Variants in TENM4 observed in about 807,000 individuals in gnomAD.
TENM4 encodes the protein teneurin transmembrane protein 4.
TENM4 carries 82 observed loss-of-function variants against 243.3 expected under a neutral mutation model. The observed-to-expected ratio is 0.34, with a 90% CI of 0.28 to 0.40. The LOEUF is 0.40. Ranked by LOEUF, TENM4 falls within the 10% of genes least tolerant of loss-of-function variation. TENM4 has a pLI of 1.00. For missense variants in TENM4, 3,138 were observed against 3,673.3 expected (o/e 0.85, Z 3.77); for synonymous variants, 1,412 against 1,456.3 (o/e 0.97, Z 0.69).
intron 1 of TENM4, among the ~76,000 whole-genome samples, chr11:79,357,183 G>T (rs1857511355): frequency 1.3e-5 from 2 of 152,142 alleles, no homozygotes; most frequent in Non-Finnish European, 2.9e-5. Flanking sequence ...CACTAAACAG[G>T]GCAGTAACTG....
rs771415017 is a variant in TENM4, at chr11:78,854,368, C to T, written c.1471-54G>A. On this transcript the variant is annotated intron_variant, in intron 11 of 33. Coordinates refer to ENST00000278550, the MANE Select transcript of TENM4 (RefSeq NM_001098816.3). The stretch of plus-strand genomic sequence containing the variant: ...GTGGGTCTGTTCCACCACGCACCAG[C>T]GTCCTTCCCGGGGCTTCTCCTGGAG... The T allele has an allele frequency of 2.4e-4, 335 of 1,416,452 alleles. 1 individual carries two copies. Among genetic ancestry groups the T allele is most frequent in the Non-Finnish European group, 2.9e-4 (310 of 1,076,742 alleles). 87.7% of individuals were successfully genotyped at this position (1,416,452 alleles called of 1,614,324 possible). A position where few individuals can be genotyped will look rare whatever the true frequency, so the allele number is the denominator to read the frequency against.
chr11:79,343,380 G>C (rs1361183020), intron 1 of TENM4, among the ~76,000 whole-genome samples: 1 of 152,238 alleles, frequency 6.6e-6, no homozygotes, highest in Non-Finnish European at 1.5e-5. Context: ...GAAAATGTTA[G>C]AGCTGGGTCA....
intron 22 of TENM4, among the ~76,000 whole-genome samples, chr11:78,727,414 G>A (rs1216971093): frequency 2.0e-5 from 3 of 146,934 alleles, no homozygotes; most frequent in South Asian, 2.1e-4. Flanking sequence ...CCATCCTGAC[G>A]ACAGAGCGAG....
intron 6 of TENM4, among the ~76,000 whole-genome samples, chr11:79,047,501 C>T (rs1859688087): frequency 6.6e-6 from 1 of 152,252 alleles, no homozygotes; most frequent in Non-Finnish European, 1.5e-5. Flanking sequence ...CCGGGAACCA[C>T]CACACTCTGC....
intron 12 of TENM4, among the ~76,000 whole-genome samples, chr11:78,834,633 T>C (rs1312507658): frequency 5.3e-5 from 8 of 152,218 alleles, no homozygotes; most frequent in African/African-American, 1.9e-4. Context: ...CTGTCAAAAA[T>C]GGGATCTAGA....
chr11:79,086,156 A>G (rs1443772838), intron 4 of TENM4, among the ~76,000 whole-genome samples: 2 of 152,232 alleles, frequency 1.3e-5, no homozygotes, highest in Non-Finnish European at 2.9e-5. Flanking sequence ...CAGTGGGCCA[A>G]GCGGATATTA....
At position 78,934,997 on chromosome 11, in the gene TENM4, C is replaced by CTTTTTTTTTTTT. The variant is rs530062569; in HGVS notation, c.494-31486_494-31475dup. Among the ~76,000 whole-genome samples the CTTTTTTTTTTTT allele has an allele frequency of 3.7e-5, 3 of 81,114 alleles. 1 individual carries two copies. Among genetic ancestry groups the CTTTTTTTTTTTT allele is most frequent in the African/African-American group, 1.1e-4 (2 of 19,022 alleles). The allele number at this position is 81,114 out of a possible 152,430, so 53.2% of individuals were successfully genotyped here. A position where few individuals can be genotyped will look rare whatever the true frequency, so the allele number is the denominator to read the frequency against. On this transcript the variant is annotated intron_variant, in intron 6 of 33. Transcript: ENST00000278550. The stretch of plus-strand genomic sequence containing the variant: ...ATTTTGTGAGTGAGGAAGTATGCAA[C>CTTTTTTTTTTTT]TTTTTTTTTTTTTTTTTTTTTTTTT...
At chr11:79,164,087 CTA>C (rs1489871581) in intron 3 of TENM4, among the ~76,000 whole-genome samples, 1 of 106,958 alleles carries the variant, frequency 9.3e-6, no homozygotes, top group Non-Finnish European at 1.8e-5. Context: ...ACTATATATA[CTA>C]TGTATATATA....
intron 19 of TENM4, among the ~76,000 whole-genome samples, chr11:78,752,784 A>G (rs1486107206): frequency 6.6e-6 from 1 of 151,618 alleles, no homozygotes; most frequent in African/African-American, 2.4e-5. Context: ...CCCTTCCTCA[A>G]ATAATGATTC....
At chr11:78,836,952 T>G (rs1371744963) in intron 12 of TENM4, among the ~76,000 whole-genome samples, 1 of 152,206 alleles carries the variant, frequency 6.6e-6, no homozygotes, top group African/African-American at 2.4e-5. Context: ...GTAATTACAC[T>G]GGCAGGAAGA....
chr11:79,265,316 G>A (rs1855865379), intron 2 of TENM4, among the ~76,000 whole-genome samples: 2 of 152,152 alleles, frequency 1.3e-5, no homozygotes, highest in Non-Finnish European at 2.9e-5. Flanking sequence ...GCGTGATAAA[G>A]ACTTTAGGAG....
intron 4 of TENM4, among the ~76,000 whole-genome samples, chr11:79,098,870 C>T (rs1861151876): frequency 6.6e-6 from 1 of 152,194 alleles, no homozygotes; most frequent in African/African-American, 2.4e-5. Flanking sequence ...ATTGGAATCC[C>T]AGCTCCAGAA....
chr11:78,727,679 C>T (rs187598665), intron 22 of TENM4, among the ~76,000 whole-genome samples: 60 of 152,212 alleles, frequency 3.9e-4, no homozygotes, highest in African/African-American at 1.4e-3. Context: ...TTCATAAATC[C>T]AGGACCCCTT....
At chr11:79,345,316 G>A (rs922353928) in intron 1 of TENM4, among the ~76,000 whole-genome samples, 3 of 152,134 alleles carry the variant, frequency 2.0e-5, no homozygotes, top group Admixed American at 6.5e-5. Context: ...CTGAATTTAC[G>A]TGACATTATT....
chr11:79,121,365 G>A (rs1391217842), intron 4 of TENM4, among the ~76,000 whole-genome samples: 1 of 152,140 alleles, frequency 6.6e-6, no homozygotes, highest in Non-Finnish European at 1.5e-5. Context: ...CTGTCTTTTT[G>A]TATAATCTGG....
chr11:78,869,589 T>G (rs1263045666), intron 9 of TENM4, among the ~76,000 whole-genome samples: 1 of 152,142 alleles, frequency 6.6e-6, no homozygotes, highest in Non-Finnish European at 1.5e-5. Flanking sequence ...ACATATGCTC[T>G]CTCACTCAAT....
chr11:78,788,731 G>T (rs1856990444), intron 15 of TENM4, among the ~76,000 whole-genome samples: 1 of 152,244 alleles, frequency 6.6e-6, no homozygotes, highest in South Asian at 2.1e-4. Context: ...GAGTCTAGGA[G>T]GTTTGTGAGA....
At chr11:79,164,074 T>C (rs1379553407) in intron 3 of TENM4, among the ~76,000 whole-genome samples, 2 of 29,638 alleles carry the variant, frequency 6.7e-5, no homozygotes, top group African/African-American at 1.0e-4. Flanking sequence ...AGTGTATATA[T>C]ACACTATATA....
intron 15 of TENM4, among the ~76,000 whole-genome samples, chr11:78,804,340 A>G (rs1163097437): frequency 6.6e-6 from 1 of 152,116 alleles, no homozygotes; most frequent in East Asian, 1.9e-4. Flanking sequence ...TTTGGTCTCC[A>G]TCCTCTCTGA....
Sources: gnomAD v4.1 joint callset for allele counts (sites outside exome capture counted in the v4.1 genomes callset) on GRCh38, gnomAD v4.1.1 for gene constraint, MANE v1.5 for transcripts, NCBI Gene and HGNC (gene_info 2026-07-23, HGNC 2026-07-21) for gene names.